Variants in ERG observed in about 807,000 individuals in gnomAD.
ERG encodes the protein ETS transcription factor ERG.
ERG carries 9 observed loss-of-function variants against 55.3 expected under a neutral mutation model. The observed-to-expected ratio is 0.16, with a 90% CI of 0.10 to 0.28. The LOEUF (loss-of-function observed/expected upper bound fraction) is 0.28. Among genes scored for constraint, ERG ranks in the 10% least tolerant of loss-of-function variants. The probability of loss-of-function intolerance (pLI) is 1.00; values close to 1 mark genes in which losing one functional copy is unlikely to be tolerated. For missense variants in ERG, 434 were observed against 631.6 expected (o/e 0.69, Z 3.35); for synonymous variants, 223 against 237.3 (o/e 0.94, Z 0.55).
intron 2 of ERG, among the ~76,000 whole-genome samples, chr21:38,565,967 GAA>G (rs1259369563): frequency 2.6e-5 from 4 of 152,158 alleles, no homozygotes; most frequent in Non-Finnish European, 4.4e-5. Context: ...TGAAGAGTAT[GAA>G]GAGATGATCA....
Position 38,390,844 on chromosome 21 carries a change from C to A in ERG, c.919+151G>T, listed in dbSNP as rs150980696. 193 of 661,952 alleles carry A rather than the reference C, an allele frequency of 2.9e-4. No individual in the cohort carries two copies. In the East Asian group the frequency reaches 4.9e-3, roughly 17 times the overall value. The allele number at this position is 661,952 out of a possible 1,614,324, so 41.0% of individuals were successfully genotyped here. A position where few individuals can be genotyped will look rare whatever the true frequency, so the allele number is the denominator to read the frequency against. The stretch of plus-strand genomic sequence containing the variant: ...GCTGAAATCTTAATTTATAACCCAA[C>A]CCATCTTTCCATTAAGGCAAATAAT... On this transcript the variant is annotated intron_variant, in intron 9 of 9. Coordinates refer to ENST00000288319, the MANE Select transcript of ERG (RefSeq NM_182918.4).
intron 2 of ERG, among the ~76,000 whole-genome samples, chr21:38,423,811 C>G (rs1989670492): frequency 6.6e-6 from 1 of 152,016 alleles, no homozygotes; most frequent in Non-Finnish European, 1.5e-5. Context: ...CATGGTGAAA[C>G]CCCGTCTCTA....
chr21:38,479,479 T>C (rs1242929319), intron 1 of ERG, among the ~76,000 whole-genome samples: 1 of 152,182 alleles, frequency 6.6e-6, no homozygotes, highest in Non-Finnish European at 1.5e-5. Flanking sequence ...ATGATTAAAA[T>C]GAGATCATAG....
At chr21:38,559,916 C>T (rs952348556) in intron 2 of ERG, among the ~76,000 whole-genome samples, 2 of 152,196 alleles carry the variant, frequency 1.3e-5, no homozygotes, top group Non-Finnish European at 2.9e-5. Flanking sequence ...CTCCTGACCT[C>T]AGGTGATCCA....
chr21:38,402,447 A>G lies in ERG; in HGVS notation c.673+110T>C, dbSNP rs891419023. 1.3e-5 allele frequency: 10 copies of G among 743,154 alleles called. No homozygotes were observed. The Admixed American group carries it at 2.8e-4, about 21-fold the overall frequency. 46.0% of individuals were successfully genotyped at this position (743,154 alleles called of 1,614,324 possible). A position where few individuals can be genotyped will look rare whatever the true frequency, so the allele number is the denominator to read the frequency against. ...TATCCGAAAGTATTCTGAATCATCT[A>G]CCTGCGTTCTGTCTTCCTGGCACGC... On this transcript the variant is annotated intron_variant, in intron 5 of 9. Coordinates refer to ENST00000288319, the MANE Select transcript of ERG (RefSeq NM_182918.4).
intron 2 of ERG, among the ~76,000 whole-genome samples, chr21:38,430,081 ATTT>A (rs113562425): frequency 1.3e-5 from 2 of 149,660 alleles, no homozygotes; most frequent in Non-Finnish European, 1.5e-5. Context: ...GCCAACATCT[ATTT>A]TTTTTTTATT....
In ERG at chr21:38,381,321, A is replaced by G. The variant is rs951662866; in HGVS notation, c.*2082T>C. On this transcript the variant is annotated 3_prime_UTR_variant, in exon 10 of 10. Transcript: ENST00000288319. ...GGTCACCTTGTATTTTCACCTTTTG[A>G]GTTGCCTTCACCTGGACCAAGGTTG... 2.2e-5 allele frequency: 23 copies of G among 1,064,666 alleles called. No homozygotes were observed. The highest frequency in any genetic ancestry group is 2.4e-5 in the Non-Finnish European group (21 of 878,934). The allele number at this position is 1,064,666 out of a possible 1,614,324, so 66.0% of individuals were successfully genotyped here.
rs536580504 is a variant in ERG, at chr21:38,653,936, G to C, written c.-150+7722C>G. On this transcript the variant is annotated intron_variant, in intron 1 of 10. Coordinates refer to the ERG transcript ENST00000398910. The stretch of plus-strand genomic sequence containing the variant: ...GAAAAAGTTTATATTGATGCTAAAT[G>C]CATTTACAAATGTGCTCGTAATGTA... Among the ~76,000 whole-genome samples the C allele has an allele frequency of 3.3e-5, 5 of 152,318 alleles. No individual in the cohort carries two copies. The South Asian group carries it at 1.0e-3, about 32-fold the overall frequency.
At chr21:38,442,215 G>A (rs964156107) in intron 2 of ERG, among the ~76,000 whole-genome samples, 2 of 152,234 alleles carry the variant, frequency 1.3e-5, no homozygotes, top group Non-Finnish European at 2.9e-5. Flanking sequence ...CCAACATGGT[G>A]AAACCCCATC....
rs2059995186 is a variant in ERG at position 38,576,439 on chromosome 21, G to T, written c.-126-692C>A. Among the ~76,000 whole-genome samples, 6 of 152,108 alleles carry T rather than the reference G, an allele frequency of 3.9e-5. No individual in the cohort carries two copies. In the South Asian group the frequency reaches 1.2e-3, roughly 32 times the overall value. On this transcript the variant is annotated intron_variant, in intron 1 of 8. Coordinates refer to the ERG transcript ENST00000398897. Reference sequence around the variant, plus strand: ...GACTCCAGAGCCCAAAAAAAATTTGGTTTGACTTAATTAGCAGGTATCAAC... The same window carrying T: ...GACTCCAGAGCCCAAAAAAAATTTGTTTTGACTTAATTAGCAGGTATCAAC...
At chr21:38,468,903 T>C (rs1291842836) in intron 1 of ERG, among the ~76,000 whole-genome samples, 1 of 143,464 alleles carries the variant, frequency 7.0e-6, no homozygotes, top group East Asian at 2.1e-4. Flanking sequence ...GAGAATAGCG[T>C]GAACCCGGGA....
intron 2 of ERG, among the ~76,000 whole-genome samples, chr21:38,545,439 CCT>C (rs943437213): frequency 1.9e-4 from 29 of 152,224 alleles, no homozygotes; most frequent in African/African-American, 6.5e-4. Flanking sequence ...CATCTGCGCC[CCT>C]GAGACAGACA....
At chr21:38,627,456 AAATAAATC>A (rs2060331606) in intron 1 of ERG, among the ~76,000 whole-genome samples, 4 of 152,186 alleles carry the variant, frequency 2.6e-5, no homozygotes, top group Admixed American at 2.6e-4. Flanking sequence ...ATAACAATGA[AAATAAATC>A]AACAACCTGC....
upstream of ERG, among the ~76,000 whole-genome samples, chr21:38,589,577 C>T (rs180780367): frequency 1.4e-4 from 21 of 152,214 alleles, no homozygotes; most frequent in Non-Finnish European, 1.2e-4. Context: ...GTCTAACACT[C>T]GGGGAAGCGA....
At chr21:38,656,334 C>A (rs1016317052) in intron 1 of ERG, among the ~76,000 whole-genome samples, 5 of 152,062 alleles carry the variant, frequency 3.3e-5, no homozygotes, top group African/African-American at 1.2e-4. Context: ...GTTCCCATTG[C>A]CAATTTCAAT....
At chr21:38,394,398 G>A (rs1032484379) in intron 6 of ERG, among the ~76,000 whole-genome samples, 5 of 151,538 alleles carry the variant, frequency 3.3e-5, no homozygotes, top group African/African-American at 1.2e-4. Flanking sequence ...TGTCCCCCAG[G>A]CTGGAGTGCA....
At chr21:38,453,330 G>C (rs1310490629) in intron 1 of ERG, among the ~76,000 whole-genome samples, 1 of 152,206 alleles carries the variant, frequency 6.6e-6, no homozygotes, top group East Asian at 1.9e-4. Context: ...TGAAAGATTG[G>C]AGCATGGTAG....
In ERG at chr21:38,460,910, GC is replaced by G. The variant is rs1232392514; in HGVS notation, c.19-15290del. 1.3e-5 allele frequency among the ~76,000 whole-genome samples: 2 copies of G among 152,196 alleles called. No homozygotes were observed. The highest frequency in any genetic ancestry group is 3.8e-4 in the East Asian group (2 of 5,196). On this transcript the variant is annotated intron_variant, in intron 1 of 9. Transcript: ENST00000288319. The surrounding 1 kb of genome is among the most constrained non-coding windows in gnomAD (Gnocchi z 5.0). The stretch of plus-strand genomic sequence containing the variant: ...GTTTGGAAAAACTGTTCACTGCTGT[GC>G]TTGCCTATGGAGAACCTGGATTCCC...
chr21:38,468,231 C>T (rs2059107527), intron 1 of ERG, among the ~76,000 whole-genome samples: 2 of 152,152 alleles, frequency 1.3e-5, no homozygotes, highest in Non-Finnish European at 2.9e-5. Flanking sequence ...CACTTATCTC[C>T]CAGCTGCCAC....
Sources: allele counts gnomAD v4.1 joint callset (sites outside exome capture counted in the v4.1 genomes callset), GRCh38; gene constraint gnomAD v4.1.1; non-coding constraint Gnocchi (gnomAD v3.1); transcripts MANE v1.5; gene names NCBI Gene and HGNC (gene_info 2026-07-23, HGNC 2026-07-21).